The following MTARC2 variants were observed in gnomAD, a reference collection of about 807,000 sequenced individuals.
MTARC2 encodes the protein mitochondrial amidoxime reducing component 2, also known as MOCO sulphurase C-terminal domain containing 2.
A neutral mutation model predicts 35.6 loss-of-function variants in MTARC2; 27 were observed. The observed-to-expected ratio is 0.76, with a 90% CI of 0.56 to 1.04. The LOEUF is 1.04. MTARC2 is among the 50% of genes least tolerant of loss of function. The probability of loss-of-function intolerance (pLI) is 0.00; values close to 1 mark genes in which losing one functional copy is unlikely to be tolerated. For synonymous variants in MTARC2, 158 were observed against 167.1 expected (o/e 0.95, Z 0.42); for missense variants, 412 against 432.5 (o/e 0.95, Z 0.42).
chr1:220,779,894 T>C, intron 4 of MTARC2, 124 bp from the exon 5 acceptor site: 3 of 680,468 alleles, frequency 4.4e-6, no homozygotes, highest in South Asian at 5.4e-5. Flanking sequence ...AGATATTTCT[T>C]GGTGTCACCT....
intron 4 of MTARC2, among the ~76,000 whole-genome samples, chr1:220,767,618 A>G (rs1275251831): frequency 6.6e-6 from 1 of 152,234 alleles, no homozygotes; most frequent in Non-Finnish European, 1.5e-5. Flanking sequence ...GTCAGTGTTT[A>G]CTGATCTTTG....
intron 2 of MTARC2, among the ~76,000 whole-genome samples, chr1:220,758,624 G>A (rs1174937097): frequency 1.3e-5 from 2 of 152,002 alleles, no homozygotes; most frequent in South Asian, 2.1e-4. Flanking sequence ...TCACCATGTT[G>A]GCCAGGTTGT....
At chr1:220,779,666 G>A (rs1672012313) in intron 4 of MTARC2, among the ~76,000 whole-genome samples, 1 of 152,212 alleles carries the variant, frequency 6.6e-6, no homozygotes, top group Non-Finnish European at 1.5e-5. Flanking sequence ...TTCCACTGCA[G>A]CTTAGCTACA....
intron 2 of MTARC2, among the ~76,000 whole-genome samples, chr1:220,758,066 C>A (rs1671330419): frequency 6.6e-6 from 1 of 152,084 alleles, no homozygotes; most frequent in African/African-American, 2.4e-5. Context: ...CTCGCTGTAA[C>A]CTCTGCCTCC....
At chr1:220,780,712 G>A (rs933811396) in intron 6 of MTARC2, among the ~76,000 whole-genome samples, 5 of 152,068 alleles carry the variant, frequency 3.3e-5, no homozygotes, top group African/African-American at 1.2e-4. Flanking sequence ...CCAACATGCT[G>A]GGATTACAGG....
At chr1:220,753,247 A>AT (rs1207707563) in intron 1 of MTARC2, among the ~76,000 whole-genome samples, 1 of 151,814 alleles carries the variant, frequency 6.6e-6, no homozygotes, top group Non-Finnish European at 1.5e-5. Context: ...GAAAAAAAAA[A>AT]GAAAGAAAGA....
At position 220,762,414 on chromosome 1, in the gene MTARC2, G is replaced by A. The variant is rs542224863; in HGVS notation, c.610-496G>A. ...CCATGAGCTAAGGTTTAAAATACAA[G>A]GACCTCAGGGAATTTCTCTCCATAG... On this transcript the variant is annotated intron_variant, in intron 3 of 7. Transcript: ENST00000366913. 2.0e-5 allele frequency among the ~76,000 whole-genome samples: 3 copies of A among 152,278 alleles called. No individual in the cohort carries two copies. In the South Asian group the frequency reaches 6.2e-4, roughly 32 times the overall value.
At chr1:220,771,525 G>A (rs563530931) in intron 4 of MTARC2, among the ~76,000 whole-genome samples, 2 of 152,126 alleles carry the variant, frequency 1.3e-5, no homozygotes, top group Non-Finnish European at 2.9e-5. Flanking sequence ...ACACAGTGCC[G>A]TTCAAACATG....
chr1:220,756,574 G>A (rs1671286879), intron 2 of MTARC2, among the ~76,000 whole-genome samples: 1 of 152,178 alleles, frequency 6.6e-6, no homozygotes, highest in Non-Finnish European at 1.5e-5. Flanking sequence ...TGTGTAGGGA[G>A]AAGAAAAGCT....
intron 1 of MTARC2, among the ~76,000 whole-genome samples, chr1:220,752,952 C>G (rs200099442): frequency 6.6e-6 from 1 of 151,216 alleles, no homozygotes; most frequent in Non-Finnish European, 1.5e-5. Context: ...CGGTGGCTCA[C>G]GCCTGTAATC....
chr1:220,780,906 G>C (rs1012044465), intron 6 of MTARC2, among the ~76,000 whole-genome samples: 3 of 151,746 alleles, frequency 2.0e-5, no homozygotes, highest in African/African-American at 7.3e-5. Context: ...CAATATCAAG[G>C]AATATGAGAA....
At chr1:220,771,048 C>T (rs1671730782) in intron 4 of MTARC2, among the ~76,000 whole-genome samples, 1 of 152,130 alleles carries the variant, frequency 6.6e-6, no homozygotes, top group African/African-American at 2.4e-5. Flanking sequence ...CCTGTAATCC[C>T]AGCACTTTGG....
At chr1:220,755,363 C>T (rs946419239) in intron 2 of MTARC2, among the ~76,000 whole-genome samples, 11 of 152,112 alleles carry the variant, frequency 7.2e-5, no homozygotes, top group Non-Finnish European at 1.5e-4. Flanking sequence ...AAATGACTGT[C>T]CTGAAAAAAG....
intron 2 of MTARC2, among the ~76,000 whole-genome samples, chr1:220,757,116 G>C (rs1671301385): frequency 6.6e-6 from 1 of 152,230 alleles, no homozygotes; most frequent in African/African-American, 2.4e-5. Context: ...TGGCCAGGCT[G>C]GTTTCGAACT....
At chr1:220,774,561 G>A (rs539713441) in intron 4 of MTARC2, among the ~76,000 whole-genome samples, 3,605 of 152,292 alleles carry the variant, frequency 0.024, 108 homozygotes, top group African/African-American at 0.064. Context: ...TGAGGCGCCA[G>A]TCCTGCGACA....
At chr1:220,770,198 T>A (rs1443318405) in intron 4 of MTARC2, among the ~76,000 whole-genome samples, 3 of 152,190 alleles carry the variant, frequency 2.0e-5, no homozygotes, top group African/African-American at 7.2e-5. Flanking sequence ...ACTCGTTTAA[T>A]CTTAACAGTC....
At chr1:220,775,585 A>G (rs78068590) in intron 4 of MTARC2, among the ~76,000 whole-genome samples, 3,618 of 152,078 alleles carry the variant, frequency 0.024, 109 homozygotes, top group African/African-American at 0.064. Context: ...ATATAGGTAA[A>G]TTGTGTGTTG....
At chr1:220,764,302 A>G (rs1262787869) in intron 4 of MTARC2, among the ~76,000 whole-genome samples, 1 of 152,084 alleles carries the variant, frequency 6.6e-6, no homozygotes, top group South Asian at 2.1e-4. Context: ...CATGTTGGCC[A>G]GGCCAGTCTT....
rs1246179630 is a variant in MTARC2, at chr1:220,762,093, G to A, written c.609+273G>A. ...AGGGGGGAGCCAGGGGTGACTCCCA[G>A]GTAGATGGAGATGCAAGAGAAAACT... On this transcript the variant is annotated intron_variant, in intron 3 of 7. Transcript: ENST00000366913. Among the ~76,000 whole-genome samples, 33 of 152,156 alleles carry A rather than the reference G, an allele frequency of 2.2e-4. 1 individual carries two copies. Among genetic ancestry groups the A allele is most frequent in the Non-Finnish European group, 4.7e-4 (32 of 68,030 alleles).
Sources: gnomAD v4.1 joint callset for allele counts (sites outside exome capture counted in the v4.1 genomes callset) on GRCh38, gnomAD v4.1.1 for gene constraint, MANE v1.5 for transcripts, NCBI Gene and HGNC (gene_info 2026-07-23, HGNC 2026-07-21) for gene names.